The following BTBD9 variants were observed in gnomAD, a reference collection of about 807,000 sequenced individuals.
BTBD9 encodes the protein BTB/POZ domain-containing protein 9.
Under a neutral mutation model 64.3 loss-of-function variants are expected in BTBD9, and 49 were observed. The observed-to-expected ratio is 0.76, with a 90% CI of 0.61 to 0.97. The LOEUF is 0.97. Ranked by LOEUF, BTBD9 falls within the 50% of genes least tolerant of loss-of-function variation. BTBD9 has a pLI of 0.00. For missense variants in BTBD9, 598 were observed against 762.1 expected (o/e 0.78, Z 2.53); for synonymous variants, 260 against 274.7 (o/e 0.95, Z 0.53).
At chr6:38,185,116 C>A (rs2127478473) in intron 10 of BTBD9, among the ~76,000 whole-genome samples, 1 of 152,246 alleles carries the variant, frequency 6.6e-6, no homozygotes, top group Non-Finnish European at 1.5e-5. Flanking sequence ...TCATGGCTCC[C>A]AAACTCCAAG....
chr6:38,485,635 T>C (rs1771360733), intron 6 of BTBD9, among the ~76,000 whole-genome samples: 1 of 152,196 alleles, frequency 6.6e-6, no homozygotes, highest in African/African-American at 2.4e-5. Flanking sequence ...GGGCTTAAGA[T>C]ATTCAGGAAA....
chr6:38,321,474 G>C (rs1015475823), intron 7 of BTBD9, among the ~76,000 whole-genome samples: 1 of 152,140 alleles, frequency 6.6e-6, no homozygotes, highest in East Asian at 1.9e-4. Flanking sequence ...AGAGGAAGAG[G>C]GGGAGGGAAG....
At chr6:38,299,059 A>G (rs1409450728) in intron 7 of BTBD9, among the ~76,000 whole-genome samples, 1 of 151,414 alleles carries the variant, frequency 6.6e-6, no homozygotes, top group Non-Finnish European at 1.5e-5. Flanking sequence ...TCCTGTGTCC[A>G]TGTGTTCTCA....
Position 38,279,384 on chromosome 6 carries a change from T to C in BTBD9, c.1454+8888A>G, listed in dbSNP as rs369139838. On this transcript the variant is annotated intron_variant, in intron 8 of 10. Coordinates refer to ENST00000481247, the MANE Select transcript of BTBD9 (RefSeq NM_001099272.2). ...AAAAGAGTCTCTGATTTAAGGGTAC[T>C]TGGGGAAAGAATAAGAAGATTTTCA... Among the ~76,000 whole-genome samples the C allele has an allele frequency of 2.0e-5, 3 of 152,138 alleles. 1 individual carries two copies. In the South Asian group the frequency reaches 6.2e-4, roughly 32 times the overall value.
intron 8 of BTBD9, among the ~76,000 whole-genome samples, chr6:38,281,882 G>A (rs1158454098): frequency 3.3e-5 from 5 of 152,124 alleles, no homozygotes; most frequent in South Asian, 4.2e-4. Context: ...CAAAAACATC[G>A]TTCAAACCAA....
At chr6:38,436,125 G>A (rs1028896222) in intron 6 of BTBD9, among the ~76,000 whole-genome samples, 3 of 151,828 alleles carry the variant, frequency 2.0e-5, no homozygotes, top group Non-Finnish European at 2.9e-5. Context: ...GTACTGATAA[G>A]TAGATAAATA....
At chr6:38,502,741 T>G (rs1328114696) in intron 6 of BTBD9, among the ~76,000 whole-genome samples, 1 of 152,188 alleles carries the variant, frequency 6.6e-6, no homozygotes, top group Non-Finnish European at 1.5e-5. Flanking sequence ...TTAGAATATA[T>G]GGCATCAGAT....
intron 7 of BTBD9, among the ~76,000 whole-genome samples, chr6:38,313,103 T>C (rs962132919): frequency 2.6e-5 from 4 of 152,216 alleles, no homozygotes; most frequent in Admixed American, 1.3e-4. Flanking sequence ...ATAGTTTTCA[T>C]TGTAGAAATC....
At chr6:38,538,499 T>C (rs1774121748) in intron 6 of BTBD9, among the ~76,000 whole-genome samples, 1 of 152,206 alleles carries the variant, frequency 6.6e-6, no homozygotes, top group African/African-American at 2.4e-5. Context: ...CATTCTTATA[T>C]ATAAGCAGGA....
At chr6:38,213,626 G>A (rs1026847546) in intron 9 of BTBD9, among the ~76,000 whole-genome samples, 4 of 152,096 alleles carry the variant, frequency 2.6e-5, no homozygotes, top group South Asian at 4.2e-4. Context: ...GGCAGTATGT[G>A]GCATGTAACA....
intron 6 of BTBD9, among the ~76,000 whole-genome samples, chr6:38,358,510 G>A (rs906527468): frequency 1.3e-5 from 2 of 152,144 alleles, no homozygotes; most frequent in African/African-American, 2.4e-5. Flanking sequence ...GCAGCAAAAC[G>A]GGAGGGGAAG....
chr6:38,544,920 T>A (rs1582609031), intron 6 of BTBD9, among the ~76,000 whole-genome samples: 3 of 14,570 alleles, frequency 2.1e-4, no homozygotes, highest in South Asian at 2.4e-3. Context: ...AGAACAAAAC[T>A]ACATCTCAAA....
intron 9 of BTBD9, among the ~76,000 whole-genome samples, chr6:38,195,423 G>A (rs948812804): frequency 1.3e-5 from 2 of 152,150 alleles, no homozygotes; most frequent in African/African-American, 2.4e-5. Context: ...ATGGCAGCCC[G>A]CCCAGTTCAG....
chr6:38,620,649 G>T (rs773130559), intron 1 of BTBD9, among the ~76,000 whole-genome samples: 1 of 152,160 alleles, frequency 6.6e-6, no homozygotes, highest in Non-Finnish European at 1.5e-5. Flanking sequence ...GCCCAGCTCT[G>T]CCTACAACAA....
intron 6 of BTBD9, among the ~76,000 whole-genome samples, chr6:38,507,020 A>G (rs1772556470): frequency 6.6e-6 from 1 of 152,028 alleles, no homozygotes. Flanking sequence ...GAGCTAATGC[A>G]CTTGACGCTC....
At chr6:38,339,948 A>C (rs1013045422) in intron 7 of BTBD9, among the ~76,000 whole-genome samples, 10 of 152,136 alleles carry the variant, frequency 6.6e-5, no homozygotes, top group Non-Finnish European at 5.9e-5. Flanking sequence ...CAGTAACAAA[A>C]ATCTTAAAAC....
In BTBD9 at chr6:38,170,560, C is replaced by G. The variant is rs1192021643; in HGVS notation, c.*4425G>C. The G allele has an allele frequency of 6.6e-6, 1 of 152,256 alleles. No individual in the cohort carries two copies. The highest frequency in any genetic ancestry group is 1.5e-5 in the Non-Finnish European group (1 of 68,068). 9.4% of individuals were successfully genotyped at this position (152,256 alleles called of 1,614,324 possible). A position where few individuals can be genotyped will look rare whatever the true frequency, so the allele number is the denominator to read the frequency against. On this transcript the variant is annotated 3_prime_UTR_variant, in exon 11 of 11. Coordinates refer to ENST00000481247, the MANE Select transcript of BTBD9 (RefSeq NM_001099272.2). ...ATGACCAGGGCCTCCAAATCCCGTC[C>G]AGCCCCAGGTATGACTGGATCCGTG...
chr6:38,596,677 C>T (rs1460588403), intron 2 of BTBD9, among the ~76,000 whole-genome samples: 1 of 151,668 alleles, frequency 6.6e-6, no homozygotes, highest in Non-Finnish European at 1.5e-5. Flanking sequence ...GGCAGGCGCC[C>T]GTAGTCCCAG....
At chr6:38,445,824 T>G (rs1341982351) in intron 6 of BTBD9, among the ~76,000 whole-genome samples, 2 of 152,188 alleles carry the variant, frequency 1.3e-5, no homozygotes, top group East Asian at 3.9e-4. Flanking sequence ...TCTGGCAAGA[T>G]GAGTATGGTG....
Sources: gnomAD v4.1 joint callset for allele counts (sites outside exome capture counted in the v4.1 genomes callset) on GRCh38, gnomAD v4.1.1 for gene constraint, MANE v1.5 for transcripts, NCBI Gene and HGNC (gene_info 2026-07-23, HGNC 2026-07-21) for gene names.